FHIT: variants seen among roughly 807,000 people sequenced by gnomAD.
FHIT encodes the protein bis(5'-adenosyl)-triphosphatase.
FHIT carries 19 observed loss-of-function variants against 17.9 expected under a neutral mutation model. The observed-to-expected ratio is 1.06, with a 90% CI of 0.74 to 1.56. The LOEUF (loss-of-function observed/expected upper bound fraction) is 1.56. Among genes scored for constraint, FHIT ranks in the 40% most tolerant of loss-of-function variants. FHIT has a pLI of 0.00. For synonymous variants in FHIT, 81 were observed against 69.7 expected, an observed-to-expected ratio of 1.16 and a Z score of -0.81; for missense variants, 248 against 189.2, an observed-to-expected ratio of 1.31 and a Z score of -1.82.
At chr3:59,766,694 T>G (rs1701812708) in intron 8 of FHIT, among the ~76,000 whole-genome samples, 1 of 152,218 alleles carries the variant, frequency 6.6e-6, no homozygotes, top group Non-Finnish European at 1.5e-5. Context: ...TTTATGTTGA[T>G]TCCCACACCA....
chr3:59,796,285 C>T (rs1699775541), intron 8 of FHIT, among the ~76,000 whole-genome samples: 1 of 152,158 alleles, frequency 6.6e-6, no homozygotes, highest in Non-Finnish European at 1.5e-5. Context: ...CTCTGGGCCA[C>T]CCAGACCCAT....
intron 5 of FHIT, among the ~76,000 whole-genome samples, chr3:60,175,621 A>G (rs777445416): frequency 1.3e-5 from 2 of 152,202 alleles, no homozygotes; most frequent in Admixed American, 6.5e-5. Flanking sequence ...GAGGTAAGAT[A>G]GAAGATAAAA....
At chr3:60,182,588 G>A (rs1701983791) in intron 5 of FHIT, among the ~76,000 whole-genome samples, 1 of 151,900 alleles carries the variant, frequency 6.6e-6, no homozygotes, top group African/African-American at 2.4e-5. Flanking sequence ...GACCAGCCTG[G>A]GCAACATGGC....
intron 5 of FHIT, among the ~76,000 whole-genome samples, chr3:60,256,918 G>A (rs558524754): frequency 6.6e-6 from 1 of 152,174 alleles, no homozygotes; most frequent in Non-Finnish European, 1.5e-5. Context: ...GTCTAGGTCT[G>A]TTCAGTGTCT....
At chr3:59,955,019 T>C (rs1707322181) in intron 7 of FHIT, among the ~76,000 whole-genome samples, 1 of 152,226 alleles carries the variant, frequency 6.6e-6, no homozygotes, top group Admixed American at 6.5e-5. Context: ...CCAGCTTCAC[T>C]TTTGAAAGCT....
Position 60,326,611 on chromosome 3 carries a change from C to A in FHIT, c.103+210249G>T, listed in dbSNP as rs371880387. 5.3e-5 allele frequency among the ~76,000 whole-genome samples: 8 copies of A among 152,242 alleles called. No individual in the cohort carries two copies. In the South Asian group the frequency reaches 1.5e-3, roughly 28 times the overall value. On this transcript the variant is annotated intron_variant, in intron 5 of 9. Transcript: ENST00000492590. ...GGTCCATGACGCAGGGGCTGGGGACCCCTGTCCTAAACCATGTTTGCTTCT... is the reference window on the plus strand; with the variant it reads ...GGTCCATGACGCAGGGGCTGGGGACACCTGTCCTAAACCATGTTTGCTTCT...
chr3:60,573,656 A>T (rs1402689617), intron 4 of FHIT, among the ~76,000 whole-genome samples: 3 of 152,168 alleles, frequency 2.0e-5, no homozygotes, highest in Non-Finnish European at 4.4e-5. Flanking sequence ...AGGAAAGGGG[A>T]GAGAAGCGCA....
chr3:60,230,424 A>G (rs1704435745), intron 5 of FHIT, among the ~76,000 whole-genome samples: 1 of 152,244 alleles, frequency 6.6e-6, no homozygotes, highest in Non-Finnish European at 1.5e-5. Flanking sequence ...TCTTATCTAC[A>G]CTTTAAAAAT....
intron 2 of FHIT, among the ~76,000 whole-genome samples, chr3:61,099,923 A>C (rs2035764613): frequency 6.6e-6 from 1 of 152,020 alleles, no homozygotes; most frequent in Admixed American, 6.6e-5. Context: ...ACAAGTATTA[A>C]ATTTTACACC....
chr3:60,602,731 A>G (rs74950139), intron 4 of FHIT, among the ~76,000 whole-genome samples: 6 of 152,120 alleles, frequency 3.9e-5, no homozygotes, highest in East Asian at 3.9e-4. Context: ...CTCCAAATTC[A>G]TATGTTGAAA....
intron 5 of FHIT, among the ~76,000 whole-genome samples, chr3:60,421,943 T>C (rs1702487128): frequency 6.6e-6 from 1 of 152,140 alleles, no homozygotes; most frequent in Non-Finnish European, 1.5e-5. Context: ...GCTATCAGCC[T>C]GCAGCAAGGT....
At chr3:60,639,584 A>G (rs1199067774) in intron 4 of FHIT, among the ~76,000 whole-genome samples, 1 of 152,190 alleles carries the variant, frequency 6.6e-6, no homozygotes, top group African/African-American at 2.4e-5. Flanking sequence ...AATTTGAAAA[A>G]TATCATTTCT....
intron 4 of FHIT, among the ~76,000 whole-genome samples, chr3:60,613,477 G>A (rs2038847792): frequency 6.6e-6 from 1 of 152,120 alleles, no homozygotes; most frequent in African/African-American, 2.4e-5. Context: ...GGTTTAGCAA[G>A]TTAACATGAA....
At chr3:59,783,591 G>T (rs969004432) in intron 8 of FHIT, among the ~76,000 whole-genome samples, 3 of 152,164 alleles carry the variant, frequency 2.0e-5, no homozygotes, top group Non-Finnish European at 4.4e-5. Flanking sequence ...TTCTGACAGG[G>T]TTTCTCAACC....
chr3:60,922,586 T>G (rs1211122853), intron 3 of FHIT, among the ~76,000 whole-genome samples: 1 of 152,244 alleles, frequency 6.6e-6, no homozygotes, highest in Non-Finnish European at 1.5e-5. Context: ...TTATTTTTTA[T>G]TTCCATTTTT....
chr3:60,827,585 T>A (rs1702173596), intron 3 of FHIT, among the ~76,000 whole-genome samples: 1 of 152,224 alleles, frequency 6.6e-6, no homozygotes, highest in Non-Finnish European at 1.5e-5. Flanking sequence ...CTACACTGAA[T>A]CATTTAATTT....
At chr3:60,061,227 G>T (rs1208804398) in intron 5 of FHIT, among the ~76,000 whole-genome samples, 2 of 152,206 alleles carry the variant, frequency 1.3e-5, no homozygotes, top group East Asian at 3.9e-4. Context: ...AGATCCATAG[G>T]TGCCACACAG....
In FHIT at chr3:60,203,291, G is replaced by C. The variant is rs148789908; in HGVS notation, c.104-189139C>G. Among the ~76,000 whole-genome samples, 3 of 152,166 alleles carry C rather than the reference G, an allele frequency of 2.0e-5. No homozygotes were observed. The East Asian group carries it at 5.8e-4, about 29-fold the overall frequency. On this transcript the variant is annotated intron_variant, in intron 5 of 9. Coordinates refer to ENST00000492590, the MANE Select transcript of FHIT (RefSeq NM_002012.4). ...AAGAAACCTATACCTTCAAAAGCAA[G>C]ATTTAAAAAGTAATTGTAAAAGTTC...
chr3:60,507,291 A>G (rs2034771356), intron 5 of FHIT, among the ~76,000 whole-genome samples: 1 of 152,152 alleles, frequency 6.6e-6, no homozygotes, highest in Non-Finnish European at 1.5e-5. Flanking sequence ...GCTAAAGGAA[A>G]CACGATTTGG....
Sources: allele counts gnomAD v4.1 joint callset (sites outside exome capture counted in the v4.1 genomes callset), GRCh38; gene constraint gnomAD v4.1.1; transcripts MANE v1.5; gene names NCBI Gene and HGNC (gene_info 2026-07-23, HGNC 2026-07-21).